Variants in B3GALT1 observed in about 807,000 individuals in gnomAD.
The protein encoded by B3GALT1 is UDP-Gal:betaGlcNAc beta 1,3-galactosyltransferase, polypeptide 1.
B3GALT1 carries 10 observed loss-of-function variants against 23.2 expected under a neutral mutation model. The ratio of observed to expected loss-of-function variants is 0.43; its 90% CI spans 0.27 to 0.73. B3GALT1 has a LOEUF of 0.73. Ranked by LOEUF, B3GALT1 falls within the 30% of genes least tolerant of loss-of-function variation. The pLI, the probability that B3GALT1 is intolerant of heterozygous loss-of-function variation, is 0.21. For missense variants in B3GALT1, 299 were observed against 405.4 expected (o/e 0.74, Z 2.25); for synonymous variants, 156 against 141.5 (o/e 1.10, Z -0.73).
At chr2:167,839,807 C>G (rs1179753532) in intron 4 of B3GALT1, among the ~76,000 whole-genome samples, 1 of 152,144 alleles carries the variant, frequency 6.6e-6, no homozygotes, top group Non-Finnish European at 1.5e-5. Context: ...ACCAAAACAG[C>G]ATGGTACTGG....
At chr2:167,712,047 A>T (rs924518221) in intron 3 of B3GALT1, among the ~76,000 whole-genome samples, 4 of 152,058 alleles carry the variant, frequency 2.6e-5, no homozygotes, top group Admixed American at 2.6e-4. Flanking sequence ...TTTTTTCCCC[A>T]ATGTTCAGTT....
chr2:167,552,826 G>C (rs561257671), intron 2 of B3GALT1, among the ~76,000 whole-genome samples: 1 of 152,200 alleles, frequency 6.6e-6, no homozygotes, highest in African/African-American at 2.4e-5. Flanking sequence ...AAAATGGCTT[G>C]GTTTCCAAAC....
At chr2:167,543,893 C>A (rs1267090878) in intron 2 of B3GALT1, among the ~76,000 whole-genome samples, 1 of 152,144 alleles carries the variant, frequency 6.6e-6, no homozygotes, top group African/African-American at 2.4e-5. Flanking sequence ...CCTTACATAA[C>A]AAGAAGTCTG....
rs146490619 is a variant in B3GALT1, at chr2:167,477,095, T to C, written c.-510-13082T>C. 3.1e-3 allele frequency among the ~76,000 whole-genome samples: 473 copies of C among 152,338 alleles called. 4 individuals carry two copies. The highest frequency in any genetic ancestry group is 0.011 in the African/African-American group (463 of 41,590). On this transcript the variant is annotated intron_variant, in intron 1 of 4. Coordinates refer to ENST00000392690, the MANE Select transcript of B3GALT1 (RefSeq NM_020981.4). ...AAAATGAGGAGCAAAAGCTAAGATATTGGCAAATGCTTTTCATGTTTCAAA... is the reference window on the plus strand; with the variant it reads ...AAAATGAGGAGCAAAAGCTAAGATACTGGCAAATGCTTTTCATGTTTCAAA...
At chr2:167,783,720 T>C (rs186957575) in intron 3 of B3GALT1, among the ~76,000 whole-genome samples, 10 of 152,182 alleles carry the variant, frequency 6.6e-5, no homozygotes, top group Non-Finnish European at 1.2e-4. Flanking sequence ...CAGGGGGAAA[T>C]AGAGGTCAAA....
rs75006980 is a variant in B3GALT1, at chr2:167,339,916, T to G, written c.-511+46582T>G. On this transcript the variant is annotated intron_variant, in intron 1 of 4. Transcript: ENST00000392690. The stretch of plus-strand genomic sequence containing the variant: ...GGACTAGGCCCAGAGAGAAGGTCAC[T>G]GTTAGGAACAGGAAACAAGCAGAGC... Among the ~76,000 whole-genome samples, 249 of 152,272 alleles carry G rather than the reference T, an allele frequency of 1.6e-3. 11 individuals carry two copies. In the East Asian group the frequency reaches 0.046, roughly 28 times the overall value.
chr2:167,339,955 A>G (rs539358910), intron 1 of B3GALT1, among the ~76,000 whole-genome samples: 2 of 152,122 alleles, frequency 1.3e-5, no homozygotes, highest in African/African-American at 2.4e-5. Context: ...TTATAACCCT[A>G]TTGGGCTGGA....
At chr2:167,462,281 A>G (rs1177444412) in intron 1 of B3GALT1, among the ~76,000 whole-genome samples, 1 of 152,170 alleles carries the variant, frequency 6.6e-6, no homozygotes, top group Non-Finnish European at 1.5e-5. Flanking sequence ...CTTCCTGAGA[A>G]TATAACAGTT....
Position 167,659,732 on chromosome 2 carries a change from A to G in B3GALT1, c.-352+12766A>G, listed in dbSNP as rs1686022647. Among the ~76,000 whole-genome samples the G allele has an allele frequency of 2.0e-5, 3 of 152,040 alleles. No homozygotes were observed. In the South Asian group the frequency reaches 6.2e-4, roughly 31 times the overall value. On this transcript the variant is annotated intron_variant, in intron 3 of 4. Coordinates refer to ENST00000392690, the MANE Select transcript of B3GALT1 (RefSeq NM_020981.4). ...TAATCTCTCGTGACTTGCTTATGAGAGGGCTCCTTTGCAGGGAGACACTAA... is the reference window on the plus strand; with the variant it reads ...TAATCTCTCGTGACTTGCTTATGAGGGGGCTCCTTTGCAGGGAGACACTAA...
chr2:167,364,584 C>T (rs2689819), intron 1 of B3GALT1, among the ~76,000 whole-genome samples: 123,063 of 152,006 alleles, frequency 0.81, 51,633 homozygotes, highest in East Asian at 0.93. Context: ...TGAGAACATG[C>T]GGTGTTTGGT....
At chr2:167,753,203 C>T (rs1687766134) in intron 3 of B3GALT1, among the ~76,000 whole-genome samples, 1 of 152,124 alleles carries the variant, frequency 6.6e-6, no homozygotes, top group South Asian at 2.1e-4. Flanking sequence ...TAAAGAAAAA[C>T]ATAGGAAAAT....
chr2:167,377,917 T>C (rs577860467), intron 1 of B3GALT1, among the ~76,000 whole-genome samples: 8 of 152,278 alleles, frequency 5.3e-5, no homozygotes, highest in South Asian at 2.1e-4. Context: ...TTATAGTGTT[T>C]GTGGGCTATA....
At chr2:167,300,932 T>C (rs1403576110) in intron 1 of B3GALT1, among the ~76,000 whole-genome samples, 2 of 152,230 alleles carry the variant, frequency 1.3e-5, no homozygotes, top group African/African-American at 4.8e-5. Flanking sequence ...TCAACATCAG[T>C]GTCTTCTTCT....
chr2:167,726,352 A>G (rs1364134381), intron 3 of B3GALT1, among the ~76,000 whole-genome samples: 1 of 152,084 alleles, frequency 6.6e-6, no homozygotes, highest in African/African-American at 2.4e-5. Flanking sequence ...TGCTAGCCCC[A>G]TCTTTGCCAG....
At chr2:167,688,592 TACTC>T (rs990168185) in intron 3 of B3GALT1, among the ~76,000 whole-genome samples, 2 of 152,076 alleles carry the variant, frequency 1.3e-5, no homozygotes, top group African/African-American at 4.8e-5. Flanking sequence ...CAATAAAAGT[TACTC>T]AGTCTGAACA....
At chr2:167,702,207 C>T (rs1362889907) in intron 3 of B3GALT1, among the ~76,000 whole-genome samples, 1 of 152,166 alleles carries the variant, frequency 6.6e-6, no homozygotes, top group Non-Finnish European at 1.5e-5. Flanking sequence ...AGCCCAAAAT[C>T]TTCCTTGGTC....
chr2:167,425,668 T>G (rs895457273), intron 1 of B3GALT1, among the ~76,000 whole-genome samples: 2 of 152,232 alleles, frequency 1.3e-5, no homozygotes, highest in African/African-American at 4.8e-5. Context: ...TTATTTGATA[T>G]TCAGTGCCAG....
chr2:167,767,810 T>C (rs572225236), intron 3 of B3GALT1, among the ~76,000 whole-genome samples: 7 of 152,246 alleles, frequency 4.6e-5, no homozygotes, highest in African/African-American at 1.2e-4. Flanking sequence ...ACGAATACAA[T>C]ATATATAAAG....
At chr2:167,753,438 G>A (rs904573641) in intron 3 of B3GALT1, among the ~76,000 whole-genome samples, 1 of 152,152 alleles carries the variant, frequency 6.6e-6, no homozygotes, top group African/African-American at 2.4e-5. Context: ...GAGGTTCCTG[G>A]TCCTTAAGCC....
Sources: gnomAD v4.1 joint callset for allele counts (sites outside exome capture counted in the v4.1 genomes callset) on GRCh38, gnomAD v4.1.1 for gene constraint, MANE v1.5 for transcripts, NCBI Gene and HGNC (gene_info 2026-07-23, HGNC 2026-07-21) for gene names.